The following DRC4 variants were observed in gnomAD, a reference collection of about 807,000 sequenced individuals.
The protein encoded by DRC4 is GAS-11.
At chr16:90,019,785 C>A in the DRC4 span, 2 of 691,132 alleles carry the variant, frequency 2.9e-6, no homozygotes, top group East Asian at 5.5e-5. This position sits in a 1 kb window ranked among gnomAD's most constrained non-coding sequence, Gnocchi z 6.1. Flanking sequence ...GCGTGTGGGG[C>A]GCCGACTGTG....
At chr16:90,036,720 C>G in the DRC4 span, 2 of 796,940 alleles carry the variant, frequency 2.5e-6, no homozygotes, top group Non-Finnish European at 4.3e-6. Flanking sequence ...TTTGACAATG[C>G]CCCTCTCATA....
the DRC4 span, chr16:90,036,334 GCAC>G: frequency 1.3e-6 from 2 of 1,510,874 alleles, no homozygotes; most frequent in Middle Eastern, 1.8e-4. Flanking sequence ...AGCCGTAGGG[GCAC>G]CACGTCTTCC....
chr16:90,035,179 A>T, the DRC4 span, among the ~76,000 whole-genome samples: 4 of 152,168 alleles, frequency 2.6e-5, no homozygotes, highest in African/African-American at 9.6e-5. Flanking sequence ...CTGGGATTAC[A>T]GGCGTGAGCC....
the DRC4 span, chr16:90,037,191 T>C: frequency 6.4e-7 from 1 of 1,550,470 alleles, no homozygotes; most frequent in Non-Finnish European, 8.7e-7. Context: ...CCTTTGGTTC[T>C]GCCTGCTGAG....
the DRC4 span, chr16:90,020,019 T>G: frequency 4.3e-6 from 3 of 699,198 alleles, no homozygotes; most frequent in African/African-American, 5.3e-5. Flanking sequence ...TCGATGAAAC[T>G]GACCCCCATG....
At chr16:90,021,331 GC>G in the DRC4 span, among the ~76,000 whole-genome samples, 1 of 152,024 alleles carries the variant, frequency 6.6e-6, no homozygotes, top group East Asian at 1.9e-4. Flanking sequence ...CTCACACTTT[GC>G]CCCCAGCACA....
the DRC4 span, chr16:90,019,642 C>G: frequency 2.3e-6 from 1 of 426,132 alleles, no homozygotes; most frequent in South Asian, 5.9e-5. The surrounding 1 kb of genome is among the most constrained non-coding windows in gnomAD (Gnocchi z 6.1). Context: ...CCTTCCCTCG[C>G]GGGCCGCGCC....
the DRC4 span, among the ~76,000 whole-genome samples, chr16:90,030,899 A>G: frequency 6.6e-6 from 1 of 152,068 alleles, no homozygotes; most frequent in Non-Finnish European, 1.5e-5. Flanking sequence ...GTTGCAGGCG[A>G]GAGCCACCGC....
chr16:90,041,201 G>A, the DRC4 span, among the ~76,000 whole-genome samples: 1,388 of 152,352 alleles, frequency 9.1e-3, 86 homozygotes, highest in East Asian at 0.16. Flanking sequence ...GCGCCCACGC[G>A]CCAGGGTGAG....
the DRC4 span, chr16:90,036,830 A>C: frequency 1.6e-6 from 1 of 643,844 alleles, no homozygotes. Flanking sequence ...GAAGTAATGA[A>C]GTGTGTTCTG....
the DRC4 span, chr16:90,036,509 G>C: frequency 1.2e-6 from 2 of 1,613,584 alleles, no homozygotes; most frequent in Non-Finnish European, 1.7e-6. Context: ...GCAGCGCCAC[G>C]AGGAGGCCTT....
At chr16:90,035,920 C>G in the DRC4 span, 13 of 1,435,486 alleles carry the variant, frequency 9.1e-6, no homozygotes, top group South Asian at 1.5e-5. Context: ...CATTCCCACT[C>G]CTAGCTAAAA....
At chr16:90,028,172 CA>C in the DRC4 span, among the ~76,000 whole-genome samples, 31 of 74,996 alleles carry the variant, frequency 4.1e-4, no homozygotes, top group African/African-American at 1.5e-3. Flanking sequence ...ATTAATCGTT[CA>C]TTTTTTTTTT....
the DRC4 span, chr16:90,044,023 G>A: frequency 2.3e-6 from 1 of 432,926 alleles, no homozygotes; most frequent in Admixed American, 3.2e-5. Flanking sequence ...AGTATAAGGG[G>A]ATAGCAGCAA....
At chr16:90,036,437 C>T in the DRC4 span, 187 of 1,612,894 alleles carry the variant, frequency 1.2e-4, no homozygotes, top group South Asian at 4.2e-4. Context: ...ACTCGACTTG[C>T]GGAGAAAGAC....
At chr16:90,033,359 G>A in the DRC4 span, among the ~76,000 whole-genome samples, 87 of 152,234 alleles carry the variant, frequency 5.7e-4, no homozygotes, top group African/African-American at 2.1e-3. Flanking sequence ...GGGTTTCCAG[G>A]GCACCATTAA....
chr16:90,022,678 G>GA, the DRC4 span: 1 of 1,421,642 alleles, frequency 7.0e-7, no homozygotes, highest in African/African-American at 1.5e-5. Flanking sequence ...CCGGGGGCGG[G>GA]CGCCCTGGTC....
chr16:90,025,259 T>A, the DRC4 span, among the ~76,000 whole-genome samples: 1 of 150,534 alleles, frequency 6.6e-6, no homozygotes, highest in Admixed American at 6.6e-5. Flanking sequence ...CCTCAAGTGA[T>A]CCGCCCGCCT....
the DRC4 span, chr16:90,042,199 C>T: frequency 6.9e-5 from 36 of 519,668 alleles, no homozygotes; most frequent in Non-Finnish European, 1.2e-4. Context: ...GCCTCCCACA[C>T]TGCTGGGATC....
Sources: gnomAD v4.1 joint callset for allele counts (sites outside exome capture counted in the v4.1 genomes callset) on GRCh38, gnomAD v4.1.1 for gene constraint, Gnocchi (gnomAD v3.1) non-coding constraint, MANE v1.5 for transcripts, NCBI Gene and HGNC (gene_info 2026-07-23, HGNC 2026-07-21) for gene names.